AP3B1: variants seen among roughly 807,000 people sequenced by gnomAD.
AP3B1 encodes the protein adaptor related protein complex 3 subunit beta 1, also known as AP-3 complex subunit beta-1.
A neutral mutation model predicts 132.5 loss-of-function variants in AP3B1; 61 were observed. The observed-to-expected ratio is 0.46, with a 90% CI of 0.37 to 0.57. The LOEUF (loss-of-function observed/expected upper bound fraction) is 0.57, where lower values mean the gene tolerates loss of function less well. AP3B1 is among the 20% of genes least tolerant of loss of function. The probability of loss-of-function intolerance (pLI) is 0.00; values close to 1 mark genes in which losing one functional copy is unlikely to be tolerated. For missense variants in AP3B1, 1,120 were observed against 1,289.4 expected (o/e 0.87, Z 2.01); for synonymous variants, 388 against 438.3 (o/e 0.89, Z 1.43).
chr5:78,115,872 A>C, intron 18 of AP3B1: 1 of 440,654 alleles, frequency 2.3e-6, no homozygotes, highest in Non-Finnish European at 4.1e-6. Flanking sequence ...GAATTCAGAA[A>C]AGTATGAGTT....
intron 11 of AP3B1, among the ~76,000 whole-genome samples, chr5:78,175,305 C>G (rs1018445692): frequency 6.6e-6 from 1 of 152,192 alleles, no homozygotes; most frequent in Admixed American, 6.5e-5. Flanking sequence ...CTGTGTCAAT[C>G]ATGGTGGGAG....
At chr5:78,215,117 T>C (rs1051388155) in intron 7 of AP3B1, among the ~76,000 whole-genome samples, 2 of 152,132 alleles carry the variant, frequency 1.3e-5, no homozygotes, top group African/African-American at 2.4e-5. Flanking sequence ...TACATTTTTC[T>C]AATTAACAAA....
At chr5:78,076,736 G>C (rs1368500853) in intron 22 of AP3B1, among the ~76,000 whole-genome samples, 1 of 152,088 alleles carries the variant, frequency 6.6e-6, no homozygotes, top group Non-Finnish European at 1.5e-5. Context: ...AACAATCAAG[G>C]CTATATGATG....
At chr5:78,022,123 T>C (rs1457109221) in intron 24 of AP3B1, among the ~76,000 whole-genome samples, 1 of 152,246 alleles carries the variant, frequency 6.6e-6, no homozygotes, top group Non-Finnish European at 1.5e-5. Context: ...AGTGGCCTTA[T>C]ATTTTTTCCA....
chr5:78,026,525 G>C (rs2112077607), intron 24 of AP3B1, among the ~76,000 whole-genome samples: 1 of 152,230 alleles, frequency 6.6e-6, no homozygotes, highest in Admixed American at 6.5e-5. Flanking sequence ...TGCACAGGAA[G>C]TACTCAAAAC....
intron 17 of AP3B1, among the ~76,000 whole-genome samples, chr5:78,120,317 G>A (rs1295349355): frequency 6.6e-6 from 1 of 152,146 alleles, no homozygotes; most frequent in Non-Finnish European, 1.5e-5. Context: ...ACATCATAAT[G>A]ACAGGACCAA....
At chr5:78,054,867 C>A (rs979502088) in intron 22 of AP3B1, among the ~76,000 whole-genome samples, 1 of 152,060 alleles carries the variant, frequency 6.6e-6, no homozygotes, top group Non-Finnish European at 1.5e-5. Flanking sequence ...ACTACAGATG[C>A]TTTCTTTGAA....
chr5:78,094,278 C>A (rs1561400933), intron 21 of AP3B1, among the ~76,000 whole-genome samples: 2 of 152,070 alleles, frequency 1.3e-5, no homozygotes, highest in African/African-American at 2.4e-5. Flanking sequence ...ACTGTTAGGT[C>A]ATATATTATC....
intron 7 of AP3B1, among the ~76,000 whole-genome samples, chr5:78,200,704 G>A (rs888752703): frequency 1.3e-5 from 2 of 152,050 alleles, no homozygotes; most frequent in Non-Finnish European, 2.9e-5. Context: ...ATACCACTAA[G>A]AGAACTCATT....
intron 21 of AP3B1, among the ~76,000 whole-genome samples, chr5:78,095,556 T>C (rs1320743193): frequency 6.6e-6 from 1 of 152,166 alleles, no homozygotes. Context: ...GTTTTTGTAG[T>C]TTTTTAATTT....
chr5:78,260,620 AG>A (rs1748049515), intron 2 of AP3B1, among the ~76,000 whole-genome samples: 1 of 152,166 alleles, frequency 6.6e-6, no homozygotes, highest in South Asian at 2.1e-4. Flanking sequence ...AAATAAAAAA[AG>A]AATGAGGAGG....
At chr5:78,229,081 C>T (rs1009578246) in intron 3 of AP3B1, among the ~76,000 whole-genome samples, 1 of 151,886 alleles carries the variant, frequency 6.6e-6, no homozygotes, top group Non-Finnish European at 1.5e-5. Flanking sequence ...TACAGGTATG[C>T]ACCACCACAC....
In AP3B1 at chr5:78,141,239, C is replaced by G. The variant is rs1364578273; in HGVS notation, c.1554G>C (p.Leu518Phe). Residue 518 changes from leucine to phenylalanine, a missense_variant, in exon 15 of 27, where the codon TTG becomes TTC. Leu to Phe is a conservative substitution (Grantham distance 22). Transcript: ENST00000255194. ...TAGTGAAGCTTTTAGCCATCTTCCT[C>G]AAAACATCAGGGGCAATTTTAGGAA... ...ERVPKIAPDV[L>F]RKMAKSFTSE... The G allele has an allele frequency of 3.1e-6, 5 of 1,613,698 alleles. No homozygotes were observed. Among genetic ancestry groups the G allele is most frequent in the Non-Finnish European group, 4.2e-6 (5 of 1,179,784 alleles).
At chr5:78,035,221 T>G (rs1747756513) in intron 23 of AP3B1, among the ~76,000 whole-genome samples, 2 of 151,972 alleles carry the variant, frequency 1.3e-5, no homozygotes, top group Admixed American at 1.3e-4. Context: ...GCTTATGATT[T>G]GAAAGTTTAG....
chr5:78,030,602 C>T (rs543566141), intron 24 of AP3B1, among the ~76,000 whole-genome samples: 189 of 152,236 alleles, frequency 1.2e-3, no homozygotes, highest in African/African-American at 4.3e-3. Flanking sequence ...TGATCTTTTT[C>T]ATAGTTTTTC....
At chr5:78,181,447 AT>A (rs1744363679) in intron 8 of AP3B1, 59 bp downstream of exon 8, 1 of 1,518,498 alleles carries the variant, frequency 6.6e-7, no homozygotes, top group African/African-American at 1.4e-5. Context: ...AAATTGAGAT[AT>A]TTTTAATTGC....
At chr5:78,165,743 C>T in intron 11 of AP3B1, 71 bp from the exon 12 acceptor site, 1 of 1,028,530 alleles carries the variant, frequency 9.7e-7, no homozygotes. Context: ...AGAGTACAGA[C>T]ATTTAATTGA....
intron 7 of AP3B1, among the ~76,000 whole-genome samples, chr5:78,193,873 G>A (rs560728189): frequency 1.5e-3 from 231 of 150,308 alleles, no homozygotes; most frequent in African/African-American, 5.4e-3. Flanking sequence ...TCCTGCCTCA[G>A]CCTCCCGAGT....
At chr5:78,191,004 T>TG (rs1392697364) in intron 7 of AP3B1, among the ~76,000 whole-genome samples, 1 of 152,188 alleles carries the variant, frequency 6.6e-6, no homozygotes, top group Non-Finnish European at 1.5e-5. Context: ...ATGTATTGTT[T>TG]GGGGAACTCA....
Sources: allele counts gnomAD v4.1 joint callset (sites outside exome capture counted in the v4.1 genomes callset), GRCh38; gene constraint gnomAD v4.1.1; transcripts MANE v1.5; gene names NCBI Gene and HGNC (gene_info 2026-07-23, HGNC 2026-07-21).